Variants in TTBK2 observed in about 807,000 individuals in gnomAD.
The protein encoded by TTBK2 is tau tubulin kinase 2, also known as tau-tubulin kinase 2.
In TTBK2, 28 loss-of-function variants were observed where a neutral mutation model predicts 110.8. That is an observed-to-expected ratio of 0.25 (90% confidence interval 0.19 to 0.35). The LOEUF (loss-of-function observed/expected upper bound fraction) is 0.35, where lower values mean the gene tolerates loss of function less well. Ranked by LOEUF, TTBK2 falls within the 10% of genes least tolerant of loss-of-function variation. TTBK2 has a pLI of 1.00. For synonymous variants in TTBK2, 532 were observed against 527.3 expected (o/e 1.01, Z -0.12); for missense variants, 1,369 against 1,500.3 (o/e 0.91, Z 1.45).
Position 42,813,803 on chromosome 15 carries a change from A to G in TTBK2, c.604-2023T>C, listed in dbSNP as rs139826319. Reference sequence around the variant, plus strand: ...GGAGGTTGCAGTTAGCCAAGATCACACCATTGCAGTCCAGCCTGGGCGAAG... The same window carrying G: ...GGAGGTTGCAGTTAGCCAAGATCACGCCATTGCAGTCCAGCCTGGGCGAAG... On this transcript the variant is annotated intron_variant, in intron 7 of 14. Transcript: ENST00000267890. Among the ~76,000 whole-genome samples, 527 of 151,524 alleles carry G rather than the reference A, an allele frequency of 3.5e-3. 2 individuals are homozygous for G. The highest frequency in any genetic ancestry group is 0.012 in the African/African-American group (502 of 41,308).
At chr15:42,768,869 G>A (rs1889517455) in intron 13 of TTBK2, among the ~76,000 whole-genome samples, 1 of 152,092 alleles carries the variant, frequency 6.6e-6, no homozygotes, top group South Asian at 2.1e-4. Context: ...TGTACTACAA[G>A]GCTACAGTAA....
chr15:42,892,871 G>A (rs1284936844), intron 1 of TTBK2, among the ~76,000 whole-genome samples: 2 of 151,684 alleles, frequency 1.3e-5, no homozygotes, highest in African/African-American at 4.8e-5. Flanking sequence ...TTAGCCAGGT[G>A]TGGTGGTGTG....
At chr15:42,883,556 G>A (rs554721418) in intron 1 of TTBK2, among the ~76,000 whole-genome samples, 3 of 151,798 alleles carry the variant, frequency 2.0e-5, no homozygotes, top group African/African-American at 7.2e-5. Context: ...TATATCGTAA[G>A]CCCTATAGCA....
intron 3 of TTBK2, among the ~76,000 whole-genome samples, chr15:42,867,245 C>CAA (rs199562887): frequency 3.1e-5 from 2 of 63,552 alleles, no homozygotes; most frequent in Admixed American, 1.8e-4. Context: ...GACTCCGTCT[C>CAA]AAAAAAAAAA....
chr15:42,759,418 C>G (rs987108290), intron 13 of TTBK2, among the ~76,000 whole-genome samples: 1 of 152,234 alleles, frequency 6.6e-6, no homozygotes, highest in Admixed American at 6.5e-5. Context: ...GCCTGCTGAG[C>G]CTGCCCCTGG....
chr15:42,786,138 A>G (rs75934566), intron 10 of TTBK2, among the ~76,000 whole-genome samples: 109,153 of 151,606 alleles, frequency 0.72, 40,184 homozygotes, highest in Middle Eastern at 0.85. Flanking sequence ...AGAAAGAAAA[A>G]AAAAAAAACT....
intron 3 of TTBK2, among the ~76,000 whole-genome samples, chr15:42,842,851 A>G (rs142326270): frequency 2.6e-5 from 4 of 152,326 alleles, no homozygotes; most frequent in Admixed American, 1.3e-4. Context: ...TGGAGAACAC[A>G]ATAATTCACA....
chr15:42,813,680 A>G (rs1417049145), intron 7 of TTBK2, among the ~76,000 whole-genome samples: 1 of 152,002 alleles, frequency 6.6e-6, no homozygotes, highest in Admixed American at 6.6e-5. Context: ...CCCCGTCTCT[A>G]TTAAAAAATA....
intron 6 of TTBK2, among the ~76,000 whole-genome samples, chr15:42,818,585 T>G (rs1037833376): frequency 6.6e-6 from 1 of 151,854 alleles, no homozygotes; most frequent in Non-Finnish European, 1.5e-5. Flanking sequence ...CCGGGTGTGG[T>G]GGCAGGTGCC....
chr15:42,770,515 T>C (rs879643936), intron 13 of TTBK2, among the ~76,000 whole-genome samples: 1 of 152,196 alleles, frequency 6.6e-6, no homozygotes, highest in Non-Finnish European at 1.5e-5. Flanking sequence ...TTCCAGTCTG[T>C]ACTCAAGCAC....
At chr15:42,784,648 G>A (rs1461885970) in intron 10 of TTBK2, among the ~76,000 whole-genome samples, 2 of 152,198 alleles carry the variant, frequency 1.3e-5, no homozygotes, top group African/African-American at 4.8e-5. Flanking sequence ...AAAATACAGA[G>A]ATGAATCTCC....
intron 6 of TTBK2, among the ~76,000 whole-genome samples, chr15:42,821,178 G>T (rs1892279785): frequency 6.6e-6 from 1 of 152,108 alleles, no homozygotes; most frequent in African/African-American, 2.4e-5. Context: ...AATTAAGAAT[G>T]TTCATTTGTA....
chr15:42,892,425 G>T (rs1895494054), intron 1 of TTBK2, among the ~76,000 whole-genome samples: 1 of 152,050 alleles, frequency 6.6e-6, no homozygotes, highest in Non-Finnish European at 1.5e-5. Context: ...TAAAATGTTT[G>T]GCTGGGCACG....
chr15:42,779,381 C>G (rs1025703291), intron 11 of TTBK2, among the ~76,000 whole-genome samples: 3 of 149,374 alleles, frequency 2.0e-5, no homozygotes, highest in African/African-American at 7.5e-5. Context: ...TGCACTCCAG[C>G]CTGGGCAACA....
rs575715878 is a variant in TTBK2, at chr15:42,791,908, G to A, written c.980+2736C>T. Among the ~76,000 whole-genome samples, 61 of 152,266 alleles carry A rather than the reference G, an allele frequency of 4.0e-4. No individual in the cohort carries two copies. The South Asian group carries it at 8.7e-3, about 22-fold the overall frequency. On this transcript the variant is annotated intron_variant, in intron 10 of 14. Coordinates refer to ENST00000267890, the MANE Select transcript of TTBK2 (RefSeq NM_173500.4). ...TGTGATCTCAGTACTTTGGGAGGCC[G>A]AGGCAGGTGGATCACCTGAGGTCAG...
At chr15:42,763,913 T>C (rs370828752) in intron 13 of TTBK2, among the ~76,000 whole-genome samples, 1 of 152,228 alleles carries the variant, frequency 6.6e-6, no homozygotes, top group East Asian at 1.9e-4. Context: ...TATTGAAAGT[T>C]TAATGTGTCT....
At chr15:42,878,815 A>G in intron 1 of TTBK2, 131 bp from the exon 2 acceptor site, 1 of 1,178,274 alleles carries the variant, frequency 8.5e-7, no homozygotes, top group Non-Finnish European at 1.2e-6. Flanking sequence ...AGAAGGGGAA[A>G]AAGACCTAGA....
At chr15:42,891,852 T>C (rs965154629) in intron 1 of TTBK2, among the ~76,000 whole-genome samples, 8 of 152,122 alleles carry the variant, frequency 5.3e-5, no homozygotes, top group Admixed American at 3.9e-4. Flanking sequence ...CAGTCTGAAG[T>C]GAAGGCAGCT....
intron 13 of TTBK2, among the ~76,000 whole-genome samples, chr15:42,754,030 C>T (rs148882910): frequency 2.6e-5 from 4 of 151,570 alleles, no homozygotes; most frequent in Admixed American, 1.3e-4. Context: ...TATCTTCCTA[C>T]AAGTAAAGAC....
Sources: allele counts gnomAD v4.1 joint callset (sites outside exome capture counted in the v4.1 genomes callset), GRCh38; gene constraint gnomAD v4.1.1; transcripts MANE v1.5; gene names NCBI Gene and HGNC (gene_info 2026-07-23, HGNC 2026-07-21).